The following SUSD6 variants were observed in gnomAD, a reference collection of about 807,000 sequenced individuals.
SUSD6 encodes sushi domain containing 6.
In SUSD6, 16 loss-of-function variants were observed where a neutral mutation model predicts 28.4. That is an observed-to-expected ratio of 0.56 (90% CI 0.38 to 0.86). The LOEUF is 0.86. Among genes scored for constraint, SUSD6 ranks in the 40% least tolerant of loss-of-function variants. The pLI is 0.00. For missense variants in SUSD6, 341 were observed against 384.2 expected, an observed-to-expected ratio of 0.89 and a Z score of 0.94; for synonymous variants, 147 against 159.6, an observed-to-expected ratio of 0.92 and a Z score of 0.59.
intron 2 of SUSD6, among the ~76,000 whole-genome samples, chr14:69,702,327 T>C (rs1326720441): frequency 1.3e-5 from 2 of 152,182 alleles, no homozygotes; most frequent in Non-Finnish European, 2.9e-5. Flanking sequence ...TTTTACTGTT[T>C]TGGCTGGTAA....
intron 2 of SUSD6, among the ~76,000 whole-genome samples, chr14:69,694,574 A>G (rs1279438767): frequency 6.6e-6 from 1 of 152,208 alleles, no homozygotes; most frequent in Non-Finnish European, 1.5e-5. Context: ...CTTTCAGTTC[A>G]GGGTTTCTAG....
At chr14:69,668,405 C>G (rs928426851) in intron 2 of SUSD6, among the ~76,000 whole-genome samples, 2 of 151,940 alleles carry the variant, frequency 1.3e-5, no homozygotes, top group African/African-American at 4.8e-5. Flanking sequence ...GAGGCTGAGG[C>G]GGGTATATCA....
At chr14:69,701,817 CTTTT>C (rs933099311) in intron 2 of SUSD6, among the ~76,000 whole-genome samples, 2 of 151,840 alleles carry the variant, frequency 1.3e-5, no homozygotes, top group African/African-American at 4.8e-5. Context: ...AAAATGGCAT[CTTTT>C]TTTTAGTGGC....
chr14:69,626,119 A>G (rs1337589573), intron 1 of SUSD6, among the ~76,000 whole-genome samples: 6 of 151,376 alleles, frequency 4.0e-5, no homozygotes, highest in East Asian at 3.9e-4. Flanking sequence ...GAGAGGGGGG[A>G]AAAAAAGCCC....
At chr14:69,679,761 TA>T (rs1340407087) in intron 2 of SUSD6, among the ~76,000 whole-genome samples, 1 of 152,202 alleles carries the variant, frequency 6.6e-6, no homozygotes. Flanking sequence ...ATTTTTAAAA[TA>T]TTTTTTTCCT....
chr14:69,613,009 C>T (rs931327985), intron 1 of SUSD6, among the ~76,000 whole-genome samples: 26 of 152,292 alleles, frequency 1.7e-4, no homozygotes, highest in Admixed American at 4.6e-4. Flanking sequence ...ATGTGCTTGG[C>T]ACTGACTTCT....
At chr14:69,685,138 C>CA (rs1387136855) in intron 2 of SUSD6, among the ~76,000 whole-genome samples, 2 of 152,216 alleles carry the variant, frequency 1.3e-5, no homozygotes, top group Non-Finnish European at 2.9e-5. Context: ...GAGAAAGCAG[C>CA]AAGCCCAGAG....
In SUSD6 at chr14:69,692,203, A is replaced by T. The variant is rs575862324; in HGVS notation, c.122-11192A>T. Among the ~76,000 whole-genome samples the T allele has an allele frequency of 2.0e-5, 3 of 152,328 alleles. No homozygotes were observed. The East Asian group carries it at 5.8e-4, about 29-fold the overall frequency. ...CTGCCTTTTCCCTCCACTTCTCTGG[A>T]AAAATGTGGCCCCACCTGAGATATG... On this transcript the variant is annotated intron_variant, in intron 2 of 5. Coordinates refer to ENST00000342745, the MANE Select transcript of SUSD6 (RefSeq NM_014734.4).
intron 2 of SUSD6, among the ~76,000 whole-genome samples, chr14:69,688,163 A>G (rs1159811541): frequency 6.6e-6 from 1 of 152,206 alleles, no homozygotes; most frequent in Non-Finnish European, 1.5e-5. Flanking sequence ...GATCTGCCCT[A>G]CTTCTGTTCC....
chr14:69,671,920 C>T (rs1047960145), intron 2 of SUSD6, among the ~76,000 whole-genome samples: 4 of 152,138 alleles, frequency 2.6e-5, no homozygotes, highest in Non-Finnish European at 4.4e-5. Flanking sequence ...TCACCAGTAA[C>T]GCAGACCCTG....
At chr14:69,630,955 C>T (rs1265676023) in intron 1 of SUSD6, among the ~76,000 whole-genome samples, 1 of 152,214 alleles carries the variant, frequency 6.6e-6, no homozygotes, top group African/African-American at 2.4e-5. Flanking sequence ...TTTTACTCCA[C>T]TCCATTCTGT....
chr14:69,658,570 A>G lies in SUSD6; in HGVS notation c.-23A>G. On this transcript the variant is annotated 5_prime_UTR_variant, in exon 2 of 6. Coordinates refer to ENST00000342745, the MANE Select transcript of SUSD6 (RefSeq NM_014734.4). ...TCTGGATTTTAAATTTTTTCTTTTT[A>G]AAAAAACTTGGACGGATAAAAGATG... 1 of 1,611,304 alleles carries G rather than the reference A, an allele frequency of 6.2e-7. No homozygotes were observed. Among genetic ancestry groups the G allele is most frequent in the East Asian group, 2.2e-5 (1 of 44,840 alleles).
At chr14:69,703,826 T>C in intron 3 of SUSD6, 1 of 573,000 alleles carries the variant, frequency 1.7e-6, no homozygotes, top group Non-Finnish European at 3.1e-6. Flanking sequence ...GTAAAGCCCG[T>C]TTGATGTTCA....
chr14:69,689,147 T>G (rs1886117328), intron 2 of SUSD6, among the ~76,000 whole-genome samples: 1 of 152,222 alleles, frequency 6.6e-6, no homozygotes, highest in African/African-American at 2.4e-5. Context: ...AAGTTGGAGC[T>G]CTGATACCAT....
intron 2 of SUSD6, among the ~76,000 whole-genome samples, chr14:69,682,744 G>GTCTTCCTACAT: frequency 6.6e-6 from 1 of 152,084 alleles, no homozygotes; most frequent in Non-Finnish European, 1.5e-5. Context: ...GTGGCACCTT[G>GTCTTCCTACAT]GGCAATATCA....
At chr14:69,638,351 G>A (rs1290926990) in intron 1 of SUSD6, among the ~76,000 whole-genome samples, 6 of 151,366 alleles carry the variant, frequency 4.0e-5, no homozygotes, top group Non-Finnish European at 5.9e-5. Flanking sequence ...TAAGAAAGAC[G>A]CAAAAAGGAA....
chr14:69,670,331 C>T, intron 2 of SUSD6: 1 of 417,220 alleles, frequency 2.4e-6, no homozygotes, highest in Admixed American at 2.5e-5. Flanking sequence ...CGTTGAATTC[C>T]TGCTGAATGC....
chr14:69,693,625 A>G (rs1488927151), intron 2 of SUSD6, among the ~76,000 whole-genome samples: 2 of 152,236 alleles, frequency 1.3e-5, no homozygotes, highest in African/African-American at 4.8e-5. Flanking sequence ...TTGCTACATG[A>G]AAATTTATCA....
chr14:69,621,721 AAC>A (rs1463731675), intron 1 of SUSD6, among the ~76,000 whole-genome samples: 1 of 152,208 alleles, frequency 6.6e-6, no homozygotes, highest in Non-Finnish European at 1.5e-5. Flanking sequence ...GGAAGTAGTT[AAC>A]ACTTTTCTCT....
Sources: allele counts gnomAD v4.1 joint callset (sites outside exome capture counted in the v4.1 genomes callset), GRCh38; gene constraint gnomAD v4.1.1; transcripts MANE v1.5; gene names NCBI Gene and HGNC (gene_info 2026-07-23, HGNC 2026-07-21).